Variants in CDK17 observed in about 807,000 individuals in gnomAD.
The protein encoded by CDK17 is cyclin-dependent kinase 17.
Under a neutral mutation model 77.6 loss-of-function variants are expected in CDK17, and 24 were observed. The observed-to-expected ratio is 0.31, with a 90% confidence interval of 0.22 to 0.44. The LOEUF is 0.44. CDK17 is among the 20% of genes least tolerant of loss of function. CDK17 has a pLI of 1.00. For missense variants in CDK17, 429 were observed against 622.5 expected, an observed-to-expected ratio of 0.69 and a Z score of 3.31; for synonymous variants, 203 against 210.4, an observed-to-expected ratio of 0.96 and a Z score of 0.30.
intron 1 of CDK17, among the ~76,000 whole-genome samples, chr12:96,393,818 T>C (rs547699636): frequency 5.8e-4 from 89 of 152,236 alleles, no homozygotes; most frequent in African/African-American, 2.1e-3. Flanking sequence ...TAATATAAAA[T>C]ACTAAAATCT....
At chr12:96,365,461 T>C (rs1262643272) in intron 1 of CDK17, among the ~76,000 whole-genome samples, 1 of 152,146 alleles carries the variant, frequency 6.6e-6, no homozygotes, top group Admixed American at 6.6e-5. Flanking sequence ...AAATCCTGTG[T>C]GTTCCTTCAC....
At chr12:96,318,360 A>AC (rs1285574359) in intron 3 of CDK17, among the ~76,000 whole-genome samples, 4 of 144,394 alleles carry the variant, frequency 2.8e-5, no homozygotes, top group African/African-American at 5.2e-5. Flanking sequence ...GGAGACTTTA[A>AC]CACCCCACTG....
chr12:96,385,280 C>A (rs1053996681), intron 1 of CDK17, among the ~76,000 whole-genome samples: 17 of 152,122 alleles, frequency 1.1e-4, no homozygotes, highest in African/African-American at 4.1e-4. Context: ...CGCCACTGCA[C>A]TCCAGCCTGG....
intron 1 of CDK17, among the ~76,000 whole-genome samples, chr12:96,377,884 A>ATGG (rs1953809894): frequency 6.6e-6 from 1 of 152,010 alleles, no homozygotes; most frequent in African/African-American, 2.4e-5. Flanking sequence ...TAGTAGAGAC[A>ATGG]GGGTTTCACC....
At chr12:96,286,567 CA>C (rs1952249094) in intron 12 of CDK17, 96 bp downstream of exon 12, 1 of 776,520 alleles carries the variant, frequency 1.3e-6, no homozygotes, top group South Asian at 1.7e-5. Context: ...ATGTTAGTCT[CA>C]GTATCTAATT....
intron 13 of CDK17, chr12:96,285,610 G>A (rs574525959): frequency 1.3e-5 from 2 of 152,462 alleles, no homozygotes; most frequent in East Asian, 3.9e-4. Context: ...ATGAATGGCT[G>A]ACATTTAGAT....
intron 1 of CDK17, among the ~76,000 whole-genome samples, chr12:96,395,753 C>T (rs775396293): frequency 1.3e-5 from 2 of 152,240 alleles, no homozygotes; most frequent in Non-Finnish European, 2.9e-5. Flanking sequence ...CCTCTCATGA[C>T]GGGATTTGTG....
chr12:96,389,476 G>A (rs980629952), intron 1 of CDK17, among the ~76,000 whole-genome samples: 1 of 152,134 alleles, frequency 6.6e-6, no homozygotes, highest in East Asian at 1.9e-4. Context: ...AAGGGGATGA[G>A]AGCAAAATGG....
At chr12:96,325,484 G>C (rs1483637707) in intron 2 of CDK17, among the ~76,000 whole-genome samples, 1 of 152,254 alleles carries the variant, frequency 6.6e-6, no homozygotes, top group African/African-American at 2.4e-5. Flanking sequence ...AGGATCCGCA[G>C]AACAGGACCA....
At chr12:96,305,532 A>T (rs2137094898) in intron 5 of CDK17, among the ~76,000 whole-genome samples, 1 of 152,354 alleles carries the variant, frequency 6.6e-6, no homozygotes, top group Admixed American at 6.5e-5. Flanking sequence ...GGATTAAGGT[A>T]AGAAATGGGA....
At chr12:96,371,973 G>A (rs1953700419) in intron 1 of CDK17, among the ~76,000 whole-genome samples, 1 of 139,172 alleles carries the variant, frequency 7.2e-6, no homozygotes, top group African/African-American at 2.8e-5. Flanking sequence ...AAAGAGGGGG[G>A]ACGGAGAGAG....
chr12:96,327,375 G>A (rs1359105640), intron 2 of CDK17, among the ~76,000 whole-genome samples: 1 of 149,024 alleles, frequency 6.7e-6, no homozygotes, highest in African/African-American at 2.4e-5. Context: ...ACAAATGTTG[G>A]TGGCTTAGAC....
chr12:96,386,720 T>TTTGGGAGGCC (rs1953982446), intron 1 of CDK17: 1 of 152,550 alleles, frequency 6.6e-6, no homozygotes, highest in Admixed American at 6.5e-5. Flanking sequence ...TGCATAATGG[T>TTTGGGAGGCC]AAATTTTTTG....
chr12:96,340,751 T>C (rs1565826958), intron 1 of CDK17, among the ~76,000 whole-genome samples: 2 of 152,222 alleles, frequency 1.3e-5, no homozygotes, highest in Admixed American at 1.3e-4. Flanking sequence ...AATTACTGAT[T>C]ATCTAAAATT....
intron 1 of CDK17, among the ~76,000 whole-genome samples, chr12:96,379,629 T>C (rs370565564): frequency 2.0e-5 from 3 of 152,098 alleles, no homozygotes; most frequent in South Asian, 4.2e-4. Flanking sequence ...GGGATCTCAC[T>C]ATGTTGCCCA....
intron 1 of CDK17, among the ~76,000 whole-genome samples, chr12:96,373,485 T>C (rs1953726347): frequency 6.6e-6 from 1 of 151,850 alleles, no homozygotes; most frequent in Non-Finnish European, 1.5e-5. Context: ...TTGCAGCTAC[T>C]AGGGAGGCTG....
intron 1 of CDK17, among the ~76,000 whole-genome samples, chr12:96,350,726 T>C (rs1953297564): frequency 6.6e-6 from 1 of 151,888 alleles, no homozygotes; most frequent in Non-Finnish European, 1.5e-5. Flanking sequence ...TAACTGAAAA[T>C]GAATCAAAGG....
At chr12:96,368,806 CGGGGGGGGGG>C (rs113976893) in intron 1 of CDK17, among the ~76,000 whole-genome samples, 1,384 of 67,598 alleles carry the variant, frequency 0.02, 407 homozygotes, top group Admixed American at 0.18. Context: ...TACTCTAAGA[CGGGGGGGGGG>C]GGGGGGGGCA....
At chr12:96,360,202 G>A (rs921208265) in intron 1 of CDK17, among the ~76,000 whole-genome samples, 1 of 152,194 alleles carries the variant, frequency 6.6e-6, no homozygotes, top group Non-Finnish European at 1.5e-5. Context: ...CCTGTATCCA[G>A]CATACGTTTA....
Sources: allele counts gnomAD v4.1 joint callset (sites outside exome capture counted in the v4.1 genomes callset), GRCh38; gene constraint gnomAD v4.1.1; transcripts MANE v1.5; gene names NCBI Gene and HGNC (gene_info 2026-07-23, HGNC 2026-07-21).